The following FHIT variants were observed in gnomAD, a reference collection of about 807,000 sequenced individuals.
The protein encoded by FHIT is bis(5'-adenosyl)-triphosphatase.
A neutral mutation model predicts 17.9 loss-of-function variants in FHIT; 19 were observed. The observed-to-expected ratio is 1.06, with a 90% CI of 0.74 to 1.56. The LOEUF (loss-of-function observed/expected upper bound fraction) is 1.56. Ranked by LOEUF, FHIT falls within the 40% of genes most tolerant of loss-of-function variation. The pLI, the probability that FHIT is intolerant of heterozygous loss-of-function variation, is 0.00. For synonymous variants in FHIT, 81 were observed against 69.7 expected (o/e 1.16, Z -0.81); for missense variants, 248 against 189.2 (o/e 1.31, Z -1.82).
chr3:60,868,860 A>G (rs540539076), intron 3 of FHIT, among the ~76,000 whole-genome samples: 65 of 152,290 alleles, frequency 4.3e-4, no homozygotes, highest in African/African-American at 1.4e-3. Context: ...TTCAGCTTCA[A>G]ATACCTTTGA....
At chr3:60,391,575 A>G (rs1701235369) in intron 5 of FHIT, among the ~76,000 whole-genome samples, 1 of 152,118 alleles carries the variant, frequency 6.6e-6, no homozygotes, top group Admixed American at 6.6e-5. Flanking sequence ...TACTTCTTAT[A>G]CTGTATTTTA....
chr3:60,709,282 A>T (rs1553704354), intron 4 of FHIT, among the ~76,000 whole-genome samples: 1 of 152,236 alleles, frequency 6.6e-6, no homozygotes, highest in African/African-American at 2.4e-5. Context: ...CATCACATTA[A>T]TATTTAGCCT....
At chr3:59,944,584 G>T (rs999457620) in intron 7 of FHIT, among the ~76,000 whole-genome samples, 9 of 151,646 alleles carry the variant, frequency 5.9e-5, no homozygotes, top group Non-Finnish European at 4.4e-5. Context: ...TAGGGAAATT[G>T]TAAGTCACAG....
intron 5 of FHIT, among the ~76,000 whole-genome samples, chr3:60,519,331 T>G (rs1383439515): frequency 2.0e-5 from 3 of 152,222 alleles, no homozygotes; most frequent in Non-Finnish European, 4.4e-5. Context: ...AAGCAATTCA[T>G]TAGCTGGTTA....
At chr3:59,917,986 T>C (rs1473168456) in intron 8 of FHIT, among the ~76,000 whole-genome samples, 1 of 152,216 alleles carries the variant, frequency 6.6e-6, no homozygotes, top group Non-Finnish European at 1.5e-5. Context: ...TCCGCTAACC[T>C]TTCCAGAGTA....
chr3:60,903,788 C>T (rs1706245142), intron 3 of FHIT, among the ~76,000 whole-genome samples: 1 of 152,176 alleles, frequency 6.6e-6, no homozygotes. Flanking sequence ...AATGATTGTA[C>T]ATCTGGCATC....
intron 5 of FHIT, among the ~76,000 whole-genome samples, chr3:60,118,732 G>GGTGTGGTGACTCAT (rs1553689281): frequency 7.2e-6 from 1 of 138,826 alleles, no homozygotes; most frequent in African/African-American, 2.7e-5. Flanking sequence ...TCAGGGTCCG[G>GGTGTGGTGACTCAT]GCCTGTAATC....
chr3:60,586,333 G>C (rs2037905885), intron 4 of FHIT, among the ~76,000 whole-genome samples: 1 of 151,970 alleles, frequency 6.6e-6, no homozygotes, highest in African/African-American at 2.4e-5. Context: ...CATCAAAATA[G>C]ACAGATGTGC....
At chr3:60,442,676 C>T (rs936452733) in intron 5 of FHIT, among the ~76,000 whole-genome samples, 12 of 152,086 alleles carry the variant, frequency 7.9e-5, no homozygotes, top group African/African-American at 2.9e-4. Flanking sequence ...GTTACTGTAG[C>T]CTTGTAGTAT....
At chr3:60,248,442 C>A (rs558488281) in intron 5 of FHIT, among the ~76,000 whole-genome samples, 1 of 152,064 alleles carries the variant, frequency 6.6e-6, no homozygotes, top group Admixed American at 6.6e-5. Flanking sequence ...TATGAGACAG[C>A]GTGTTGGAAA....
At chr3:59,851,297 G>C (rs1701923926) in intron 8 of FHIT, among the ~76,000 whole-genome samples, 1 of 152,072 alleles carries the variant, frequency 6.6e-6, no homozygotes, top group African/African-American at 2.4e-5. Flanking sequence ...TTAAATGTCA[G>C]GTAAAATGTA....
intron 8 of FHIT, among the ~76,000 whole-genome samples, chr3:59,815,035 C>G (rs1403793482): frequency 6.6e-6 from 1 of 152,164 alleles, no homozygotes; most frequent in Non-Finnish European, 1.5e-5. Context: ...GAATATTGTG[C>G]TTAGTATATC....
At chr3:60,769,576 C>T (rs1484960258) in intron 4 of FHIT, among the ~76,000 whole-genome samples, 1 of 152,202 alleles carries the variant, frequency 6.6e-6, no homozygotes, top group Non-Finnish European at 1.5e-5. Flanking sequence ...GATTCACAGA[C>T]TCCAGGGGTG....
intron 4 of FHIT, among the ~76,000 whole-genome samples, chr3:60,680,501 C>T (rs556599686): frequency 2.7e-5 from 4 of 150,382 alleles, no homozygotes; most frequent in African/African-American, 7.3e-5. Context: ...GATGTTGCCT[C>T]GATTAACATT....
intron 5 of FHIT, among the ~76,000 whole-genome samples, chr3:60,522,698 T>C (rs2035418671): frequency 6.6e-6 from 1 of 152,204 alleles, no homozygotes; most frequent in African/African-American, 2.4e-5. Context: ...TATTCTGGCA[T>C]CATCTCCTTG....
intron 2 of FHIT, among the ~76,000 whole-genome samples, chr3:61,086,437 T>C (rs1485547073): frequency 6.6e-6 from 1 of 152,218 alleles, no homozygotes; most frequent in Non-Finnish European, 1.5e-5. Context: ...TTTTTCTATA[T>C]TGTTCAGTCT....
intron 4 of FHIT, among the ~76,000 whole-genome samples, chr3:60,684,974 T>C (rs1181268105): frequency 6.6e-6 from 1 of 152,172 alleles, no homozygotes; most frequent in Non-Finnish European, 1.5e-5. Flanking sequence ...AAACAGGAGA[T>C]AACTTGTCCT....
At chr3:60,470,781 A>T (rs2033050438) in intron 5 of FHIT, among the ~76,000 whole-genome samples, 1 of 151,922 alleles carries the variant, frequency 6.6e-6, no homozygotes, top group Non-Finnish European at 1.5e-5. Context: ...AGCAGAAGGG[A>T]TCTCTCCCTG....
At chr3:59,926,830 G>T (rs1705684515) in intron 7 of FHIT, among the ~76,000 whole-genome samples, 1 of 152,168 alleles carries the variant, frequency 6.6e-6, no homozygotes. Context: ...ACAATAACAA[G>T]CGTTGGCCAG....
Sources: allele counts gnomAD v4.1 joint callset (sites outside exome capture counted in the v4.1 genomes callset), GRCh38; gene constraint gnomAD v4.1.1; transcripts MANE v1.5; gene names NCBI Gene and HGNC (gene_info 2026-07-23, HGNC 2026-07-21).